The following DNAH17 variants were observed in gnomAD, a reference collection of about 807,000 sequenced individuals.
DNAH17 encodes the protein dynein axonemal heavy chain 17.
In DNAH17, 376 loss-of-function variants were observed where a neutral mutation model predicts 485.6. The observed-to-expected ratio is 0.77, with a 90% CI of 0.71 to 0.84. The LOEUF (loss-of-function observed/expected upper bound fraction) is 0.84. DNAH17 is among the 40% of genes least tolerant of loss of function. The pLI is 0.00. For missense variants in DNAH17, 6,370 were observed against 5,839.3 expected, an observed-to-expected ratio of 1.09 and a Z score of -2.96; for synonymous variants, 3,031 against 2,405.9, an observed-to-expected ratio of 1.26 and a Z score of -7.60.
intron 38 of DNAH17, among the ~76,000 whole-genome samples, chr17:78,495,610 G>A (rs1056277404): frequency 3.3e-5 from 5 of 152,038 alleles, no homozygotes; most frequent in Non-Finnish European, 7.4e-5. Context: ...GCTAATTTTT[G>A]TATTTTTAGT....
chr17:78,508,790 TTTTA>T (rs1461930982), intron 27 of DNAH17, among the ~76,000 whole-genome samples: 2 of 152,012 alleles, frequency 1.3e-5, no homozygotes, highest in African/African-American at 4.8e-5. Context: ...TAATTCTATT[TTTTA>T]TTTTTATTTT....
intron 56 of DNAH17, among the ~76,000 whole-genome samples, chr17:78,466,393 C>G (rs2088457354): frequency 1.3e-5 from 2 of 151,962 alleles, no homozygotes; most frequent in South Asian, 2.1e-4. Flanking sequence ...TCCTATGACC[C>G]TGCCAAGTCC....
intron 70 of DNAH17, 102 bp from the exon 71 acceptor site, chr17:78,444,899 A>G (rs2087216547): frequency 8.3e-7 from 1 of 1,203,124 alleles, no homozygotes; most frequent in East Asian, 2.7e-5. Context: ...TTACCCTCCG[A>G]GGAAACCGGG....
intron 48 of DNAH17, among the ~76,000 whole-genome samples, chr17:78,484,352 C>T (rs1292709556): frequency 6.6e-6 from 1 of 152,016 alleles, no homozygotes. Flanking sequence ...AATCTCTCCA[C>T]CCAGAATGCT....
Position 78,577,387 on chromosome 17 carries a change from A to G in DNAH17, c.-118T>C, listed in dbSNP as rs993735705. The G allele has an allele frequency of 6.6e-6, 1 of 152,270 alleles. No homozygotes were observed. The highest frequency in any genetic ancestry group is 2.4e-5 in the African/African-American group (1 of 41,462). 9.4% of individuals were successfully genotyped at this position (152,270 alleles called of 1,614,324 possible). A position where few individuals can be genotyped will look rare whatever the true frequency, so the allele number is the denominator to read the frequency against. On this transcript the variant is annotated 5_prime_UTR_variant, in exon 1 of 81. Coordinates refer to ENST00000389840, the MANE Select transcript of DNAH17 (RefSeq NM_173628.4). Reference sequence around the variant, plus strand: ...GGCTCCCTTCCCTCGAGGGGCTCCAACTGCCACATAACTTCTGGGAGTCTC... The same window carrying G: ...GGCTCCCTTCCCTCGAGGGGCTCCAGCTGCCACATAACTTCTGGGAGTCTC...
At position 78,490,803 on chromosome 17, in the gene DNAH17, G is replaced by T; in HGVS notation, c.6714C>A (p.Thr2238=). The change falls in exon 44 of 81, where the codon ACC becomes ACA. Residue 2238 remains threonine, a synonymous_variant. Coordinates refer to ENST00000389840, the MANE Select transcript of DNAH17 (RefSeq NM_173628.4). ...ASNERIPLNR[T]MRLVFEISHL... ...GGCTGATTTCGAACACCAGCCTCAT[G>T]GTGCGGTTCAGGGGGATCCGCTCGT... The T allele has an allele frequency of 6.2e-7, 1 of 1,604,630 alleles. No individual in the cohort carries two copies. Among genetic ancestry groups the T allele is most frequent in the Non-Finnish European group, 8.5e-7 (1 of 1,175,844 alleles).
chr17:78,460,400 GTGTATGTGTGTGCA>G lies in DNAH17; in HGVS notation c.9340-157_9340-144del, dbSNP rs1025146297. The stretch of plus-strand genomic sequence containing the variant: ...TGTATGTGTGCATATATGTGCATGA[GTGTATGTGTGTGCA>G]TGTATGTGTATGTGCATCCATGTGC... On this transcript the variant is annotated intron_variant, in intron 58 of 80. Coordinates refer to ENST00000389840, the MANE Select transcript of DNAH17 (RefSeq NM_173628.4). 6.0e-6 allele frequency: 4 copies of G among 670,038 alleles called. No individual in the cohort carries two copies. The Admixed American group carries it at 1.0e-4, about 17-fold the overall frequency. The allele number at this position is 670,038 out of a possible 1,614,324, so 41.5% of individuals were successfully genotyped here. A position where few individuals can be genotyped will look rare whatever the true frequency, so the allele number is the denominator to read the frequency against.
Position 78,449,933 on chromosome 17 carries a change from C to A in DNAH17, c.11040+321G>T. The A allele has an allele frequency of 8.7e-6, 4 of 459,294 alleles. No homozygotes were observed. In the South Asian group the frequency reaches 8.7e-5, roughly 10 times the overall value. The allele number at this position is 459,294 out of a possible 1,614,324, so 28.5% of individuals were successfully genotyped here. ...TCAGGTGATCCACCCGCCTCGGCCC[C>A]CCATAGTGCTGAGATGACAGGCATG... On this transcript the variant is annotated intron_variant, in intron 68 of 80. Coordinates refer to ENST00000389840, the MANE Select transcript of DNAH17 (RefSeq NM_173628.4).
Position 78,569,358 on chromosome 17 carries a change from C to G in DNAH17, c.1197+17G>C, listed in dbSNP as rs774112499. On this transcript the variant is annotated intron_variant, in intron 8 of 80. Coordinates refer to ENST00000389840, the MANE Select transcript of DNAH17 (RefSeq NM_173628.4). ...CACTCGTCCTGCCTTGGCCCTCGCC[C>G]TGCGAGGAAGGGGTACCTTAAAGAA... 20 of 1,612,248 alleles carry G rather than the reference C, an allele frequency of 1.2e-5. No individual in the cohort carries two copies. The highest frequency in any genetic ancestry group is 1.7e-5 in the Non-Finnish European group (20 of 1,179,048).
chr17:78,558,698 T>C (rs1301293940), intron 13 of DNAH17, among the ~76,000 whole-genome samples: 6 of 152,228 alleles, frequency 3.9e-5, no homozygotes, highest in Non-Finnish European at 5.9e-5. Flanking sequence ...TCCTACCTAC[T>C]ACCCACAAGT....
At chr17:78,481,091 G>A (rs1436114772) in intron 48 of DNAH17, among the ~76,000 whole-genome samples, 24 of 115,310 alleles carry the variant, frequency 2.1e-4, no homozygotes, top group Admixed American at 1.1e-3. Flanking sequence ...CACCACGCCC[G>A]CCCCCCATCC....
chr17:78,514,538 T>C (rs2090727425), intron 26 of DNAH17, among the ~76,000 whole-genome samples: 1 of 148,474 alleles, frequency 6.7e-6, no homozygotes, highest in African/African-American at 2.5e-5. Flanking sequence ...AGAAAATTAC[T>C]AAGAATTTTG....
Position 78,499,108 on chromosome 17 carries a change from C to G in DNAH17, c.5645G>C (p.Cys1882Ser), listed in dbSNP as rs367635035. The G allele has an allele frequency of 1.2e-5, 19 of 1,595,016 alleles. No homozygotes were observed. The African/African-American group carries it at 2.0e-4, about 17-fold the overall frequency. ...NCSEQMDYKS[C>S]GNIYKGLAQT... is the part of the protein sequence containing the mutation. ...GGCCAGGCCCTTGTAGATATTTCCA[C>G]AGGACTGGAAAGGGCGAGATGGAGA... Residue 1882 changes from cysteine (C) to serine (S), a missense_variant, in exon 37 of 81, where the codon TGT becomes TCT. By Grantham distance (112) the Cys-to-Ser change is moderately radical (BLOSUM62 -1). Coordinates refer to ENST00000389840, the MANE Select transcript of DNAH17 (RefSeq NM_173628.4).
chr17:78,449,601 G>A lies in DNAH17; in HGVS notation c.11041-17C>T, dbSNP rs767255628. The A allele has an allele frequency of 1.0e-5, 16 of 1,592,066 alleles. No homozygotes were observed. The highest frequency in any genetic ancestry group is 6.9e-5 in the Admixed American group (4 of 57,838). ...GTTGAAGGCCTGGGGATCCGCCACC[G>A]AGAGCCATGGAGGCGTGCAGAGATG... is the stretch of plus-strand genomic sequence containing the variant. On this transcript the variant is annotated splice_polypyrimidine_tract_variant and intron_variant, in intron 68 of 80. Transcript: ENST00000389840.
At chr17:78,465,303 G>A (rs1015631725) in intron 56 of DNAH17, among the ~76,000 whole-genome samples, 10 of 151,660 alleles carry the variant, frequency 6.6e-5, no homozygotes, top group Non-Finnish European at 1.0e-4. Flanking sequence ...CCAGCTGCCT[G>A]CCTTGGCCTC....
chr17:78,458,778 G>A lies in DNAH17; in HGVS notation c.9862-98C>T, dbSNP rs900676637. 1.5e-5 allele frequency: 18 copies of A among 1,215,306 alleles called. No homozygotes were observed. The Admixed American group carries it at 3.3e-4, about 22-fold the overall frequency. The allele number at this position is 1,215,306 out of a possible 1,614,324, so 75.3% of individuals were successfully genotyped here. A position where few individuals can be genotyped will look rare whatever the true frequency, so the allele number is the denominator to read the frequency against. On this transcript the variant is annotated intron_variant, in intron 61 of 80. Transcript: ENST00000389840. ...CTGGGCCCTGTGAGCGCTGAGCGTG[G>A]AAGAGGCTCCCACAAAGGCTGAGAG...
At chr17:78,509,857 G>A (rs968072144) in intron 27 of DNAH17, among the ~76,000 whole-genome samples, 1 of 152,202 alleles carries the variant, frequency 6.6e-6, no homozygotes, top group South Asian at 2.1e-4. Flanking sequence ...GGCGGGCAGA[G>A]CTATAGCCGC....
intron 72 of DNAH17, among the ~76,000 whole-genome samples, chr17:78,440,274 T>TG (rs1491304255): frequency 6.1e-5 from 5 of 82,378 alleles, no homozygotes; most frequent in Non-Finnish European, 8.8e-5. Context: ...TTTTTTTTTT[T>TG]GAGACAGGGT....
chr17:78,519,039 G>A (rs1197457121), intron 25 of DNAH17, among the ~76,000 whole-genome samples: 1 of 151,832 alleles, frequency 6.6e-6, no homozygotes, highest in African/African-American at 2.4e-5. Flanking sequence ...GTGGTGGCGG[G>A]CACCTGTAGT....
Sources: gnomAD v4.1 joint callset for allele counts (sites outside exome capture counted in the v4.1 genomes callset) on GRCh38, gnomAD v4.1.1 for gene constraint, MANE v1.5 for transcripts, NCBI Gene and HGNC (gene_info 2026-07-23, HGNC 2026-07-21) for gene names.